The following C10orf105 variants were observed in gnomAD, a reference collection of about 807,000 sequenced individuals.
C10orf105 encodes the protein chromosome 10 open reading frame 105.
In C10orf105, 2 loss-of-function variants were observed where a neutral mutation model predicts 0.6. The observed-to-expected ratio is 3.18, with a 90% CI of 1.30 to 10.01. The LOEUF (loss-of-function observed/expected upper bound fraction) is 10.01, where lower values mean the gene tolerates loss of function less well. Ranked by LOEUF, C10orf105 falls within the 30% of genes most tolerant of loss-of-function variation. C10orf105 has a pLI of 0.04. For synonymous variants in C10orf105, 95 were observed against 82.4 expected (o/e 1.15, Z -0.83); for missense variants, 209 against 191.4 (o/e 1.09, Z -0.54).
intron 1 of C10orf105, among the ~76,000 whole-genome samples, chr10:71,734,959 C>T (rs763829505): frequency 2.6e-5 from 4 of 152,250 alleles, no homozygotes; most frequent in African/African-American, 4.8e-5. Flanking sequence ...CTCCACTCCT[C>T]GATGGCTGTG....
chr10:71,723,046 G>A (rs78151993), upstream of C10orf105, among the ~76,000 whole-genome samples: 5,093 of 152,258 alleles, frequency 0.033, 135 homozygotes, highest in East Asian at 0.096. Flanking sequence ...CCCTCTGACC[G>A]TCTTGGCAGG....
At chr10:71,737,784 G>A (rs1029872372) in exon 1 of C10orf105, 16 of 468,502 alleles carry the variant, frequency 3.4e-5, no homozygotes, top group Admixed American at 2.3e-4. Context: ...CCTCACCCGC[G>A]GCAGGCCTTC....
rs944683244 is a variant in C10orf105, at chr10:71,715,761, G to A, written c.*175C>T. 3.5e-5 allele frequency: 19 copies of A among 535,602 alleles called. No homozygotes were observed. Among genetic ancestry groups the A allele is most frequent in the Non-Finnish European group, 5.4e-5 (17 of 316,040 alleles). The allele number at this position is 535,602 out of a possible 1,614,324, so 33.2% of individuals were successfully genotyped here. The stretch of plus-strand genomic sequence containing the variant: ...TGCAGAGAGGAAGGTGCTCTTCTGA[G>A]GATCATCTTTGGGAAAGGGCGCTGG... On this transcript the variant is annotated 3_prime_UTR_variant, in exon 2 of 2. Coordinates refer to ENST00000441508, the MANE Select transcript of C10orf105 (RefSeq NM_001164375.3).
At position 71,716,274 on chromosome 10, in the gene C10orf105, C is replaced by T. The variant is rs1180174901; in HGVS notation, c.64G>A (p.Ala22Thr). ...PAISPLAFLS[A>T]PVTPGTLAEA... ...GCAAGGGTCCCGGGAGTGACGGGAG[C>T]TGAGAGAAAGGCGAGGGGGCTGATG... is the stretch of plus-strand genomic sequence containing the variant. The change falls in exon 2 of 2, where the codon GCT becomes ACT. Residue 22 changes from alanine to threonine, a missense_variant. Physicochemically the swap from Ala to Thr is moderately conservative, Grantham distance 58 (BLOSUM62 0). Transcript: ENST00000441508. 1.3e-6 allele frequency: 2 copies of T among 1,535,010 alleles called. No homozygotes were observed. The highest frequency in any genetic ancestry group is 8.8e-7 in the Non-Finnish European group (1 of 1,136,968).
At chr10:71,736,601 G>A (rs1839572673) in intron 1 of C10orf105, among the ~76,000 whole-genome samples, 1 of 152,164 alleles carries the variant, frequency 6.6e-6, no homozygotes, top group South Asian at 2.1e-4. Flanking sequence ...CTGGGAACCT[G>A]TCCTCCTTCC....
chr10:71,725,514 C>A lies in C10orf105; in HGVS notation c.-5-9172G>T. 6.2e-7 allele frequency: 1 copy of A among 1,613,004 alleles called. No individual in the cohort carries two copies. Among genetic ancestry groups the A allele is most frequent in the South Asian group, 1.1e-5 (1 of 90,870 alleles). On this transcript the variant is annotated intron_variant, in intron 1 of 1. Transcript: ENST00000398786. Reference sequence around the variant, plus strand: ...ACGACCTGGGCCCCATGCGGAGCTCCGTCAGGGTGAGGCTAGGGGCGGGCT... The same window carrying A: ...ACGACCTGGGCCCCATGCGGAGCTCAGTCAGGGTGAGGCTAGGGGCGGGCT...
chr10:71,716,486 C>G, intron 1 of C10orf105, 144 bp from the exon 2 acceptor site: 2 of 635,662 alleles, frequency 3.1e-6, no homozygotes, highest in Non-Finnish European at 5.3e-6. Context: ...CAGGTTAAGA[C>G]AGCAAGGTCC....
At chr10:71,719,021 C>T (rs1377956301) in intron 1 of C10orf105, among the ~76,000 whole-genome samples, 1 of 151,848 alleles carries the variant, frequency 6.6e-6, no homozygotes, top group Non-Finnish European at 1.5e-5. Context: ...GAGGCTACAG[C>T]GAGCTAGAAT....
Position 71,713,468 on chromosome 10 carries a change from G to C in C10orf105, c.*2468C>G. Reference sequence around the variant, plus strand: ...CAGGGAATCTGGGCCTGCCCACTGGGGCAGGCTCCCGGGCTTGGGAGGGAC... The same window carrying C: ...CAGGGAATCTGGGCCTGCCCACTGGCGCAGGCTCCCGGGCTTGGGAGGGAC... On this transcript the variant is annotated 3_prime_UTR_variant, in exon 2 of 2. Transcript: ENST00000441508. The C allele has an allele frequency of 1.7e-6, 1 of 585,332 alleles. No individual in the cohort carries two copies. Among genetic ancestry groups the C allele is most frequent in the Non-Finnish European group, 3.0e-6 (1 of 328,844 alleles). The allele number at this position is 585,332 out of a possible 1,614,324, so 36.3% of individuals were successfully genotyped here.
At chr10:71,737,782 G>A (rs577774018) in exon 1 of C10orf105, 29 of 468,748 alleles carry the variant, frequency 6.2e-5, no homozygotes, top group African/African-American at 4.0e-4. Flanking sequence ...GGCCTCACCC[G>A]CGGCAGGCCT....
intron 1 of C10orf105, chr10:71,734,352 C>G (rs982699079): frequency 1.3e-6 from 2 of 1,599,082 alleles, no homozygotes; most frequent in Non-Finnish European, 1.7e-6. Context: ...GTGAGTGGGA[C>G]CAGGGTGAGA....
At chr10:71,734,834 G>A (rs1839509997) in intron 1 of C10orf105, among the ~76,000 whole-genome samples, 1 of 152,226 alleles carries the variant, frequency 6.6e-6, no homozygotes, top group Admixed American at 6.5e-5. Flanking sequence ...CCCCTCTGGG[G>A]CATGTCCCCT....
Position 71,713,399 on chromosome 10 carries a change from C to T in C10orf105, c.*2537G>A. The T allele has an allele frequency of 1.5e-6, 1 of 675,984 alleles. No individual in the cohort carries two copies. Among genetic ancestry groups the T allele is most frequent in the Non-Finnish European group, 2.7e-6 (1 of 373,016 alleles). 41.9% of individuals were successfully genotyped at this position (675,984 alleles called of 1,614,324 possible). A position where few individuals can be genotyped will look rare whatever the true frequency, so the allele number is the denominator to read the frequency against. On this transcript the variant is annotated 3_prime_UTR_variant, in exon 2 of 2. Coordinates refer to ENST00000441508, the MANE Select transcript of C10orf105 (RefSeq NM_001164375.3). ...GGAGGGAGGCCCGGAGTGAATGAGTCTCTTTACCAACTATGGGGTTTCCGA... is the reference window on the plus strand; with the variant it reads ...GGAGGGAGGCCCGGAGTGAATGAGTTTCTTTACCAACTATGGGGTTTCCGA...
chr10:71,716,403 T>C (rs1256453609), intron 1 of C10orf105, 61 bp from the exon 2 acceptor site: 9 of 1,343,622 alleles, frequency 6.7e-6, no homozygotes, highest in South Asian at 4.6e-5. Flanking sequence ...GCAGCGGGTA[T>C]AGGGAAGACT....
Position 71,713,655 on chromosome 10 carries a change from G to A in C10orf105, c.*2281C>T. On this transcript the variant is annotated 3_prime_UTR_variant, in exon 2 of 2. Transcript: ENST00000441508. ...TGGCTAGCTCCAGAAGGAGGAAGTA[G>A]AGGGTTCTCTCGATCAGGGCCTCAG... The A allele has an allele frequency of 3.8e-6, 1 of 261,758 alleles. No individual in the cohort carries two copies. Among genetic ancestry groups the A allele is most frequent in the South Asian group, 4.4e-5 (1 of 22,832 alleles). 16.2% of individuals were successfully genotyped at this position (261,758 alleles called of 1,614,324 possible).
chr10:71,712,412 A>G lies in C10orf105; in HGVS notation c.*3524T>C, dbSNP rs1022666109. On this transcript the variant is annotated 3_prime_UTR_variant, in exon 2 of 2. Coordinates refer to ENST00000441508, the MANE Select transcript of C10orf105 (RefSeq NM_001164375.3). ...CCTCTGTAAAATGGGGATGACAGTA[A>G]AGTGTCTGCTTCATGGGGTTGCTGT... is the stretch of plus-strand genomic sequence containing the variant. 10 of 452,358 alleles carry G rather than the reference A, an allele frequency of 2.2e-5. No homozygotes were observed. In the East Asian group the frequency reaches 3.5e-4, roughly 16 times the overall value. The allele number at this position is 452,358 out of a possible 1,614,324, so 28.0% of individuals were successfully genotyped here.
chr10:71,719,431 C>G (rs531045147), intron 1 of C10orf105, among the ~76,000 whole-genome samples, 196 bp downstream of exon 1: 6 of 152,354 alleles, frequency 3.9e-5, no homozygotes, highest in African/African-American at 1.2e-4. Flanking sequence ...AGAGCAGGAC[C>G]TGCTGTGGGC....
intron 1 of C10orf105, among the ~76,000 whole-genome samples, chr10:71,733,997 C>G (rs1839475739): frequency 6.6e-6 from 1 of 152,208 alleles, no homozygotes; most frequent in African/African-American, 2.4e-5. Context: ...AGAACTACAA[C>G]AGAGGGGTAG....
rs910536754 is a variant in C10orf105, at chr10:71,715,759, G to A, written c.*177C>T. ...TCTGCAGAGAGGAAGGTGCTCTTCT[G>A]AGGATCATCTTTGGGAAAGGGCGCT... On this transcript the variant is annotated 3_prime_UTR_variant, in exon 2 of 2. Transcript: ENST00000441508. The A allele has an allele frequency of 1.9e-5, 10 of 530,060 alleles. No homozygotes were observed. The highest frequency in any genetic ancestry group is 1.8e-4 in the African/African-American group (9 of 50,282). 32.8% of individuals were successfully genotyped at this position (530,060 alleles called of 1,614,324 possible). A position where few individuals can be genotyped will look rare whatever the true frequency, so the allele number is the denominator to read the frequency against.
Sources: allele counts gnomAD v4.1 joint callset (sites outside exome capture counted in the v4.1 genomes callset), GRCh38; gene constraint gnomAD v4.1.1; transcripts MANE v1.5; gene names NCBI Gene and HGNC (gene_info 2026-07-23, HGNC 2026-07-21).